The following SMARCA5 variants were observed in gnomAD, a reference collection of about 807,000 sequenced individuals.
SMARCA5 encodes SWI/SNF-related matrix-associated actin-dependent regulator of chromatin subfamily A member 5.
Under a neutral mutation model 140.4 loss-of-function variants are expected in SMARCA5, and 18 were observed. The ratio of observed to expected loss-of-function variants is 0.13; its 90% CI spans 0.09 to 0.19. SMARCA5 has a LOEUF of 0.19. SMARCA5 is among the 10% of genes least tolerant of loss of function. The pLI is 1.00. For missense variants in SMARCA5, 606 were observed against 1,276.8 expected, an observed-to-expected ratio of 0.47 and a Z score of 8.01; for synonymous variants, 449 against 419.6, an observed-to-expected ratio of 1.07 and a Z score of -0.86.
intron 5 of SMARCA5, among the ~76,000 whole-genome samples, chr4:143,525,957 T>TATTGCTATAATGCTATAATGCTAA (rs1251473666): frequency 6.6e-6 from 1 of 152,212 alleles, no homozygotes; most frequent in Non-Finnish European, 1.5e-5. Flanking sequence ...AAAGTTTCCT[T>TATTGCTATAATGCTATAATGCTAA]ATTGCTATAA....
At chr4:143,533,573 T>C (rs1578798136) in intron 9 of SMARCA5, among the ~76,000 whole-genome samples, 1 of 145,900 alleles carries the variant, frequency 6.9e-6, no homozygotes, top group South Asian at 2.2e-4. Context: ...AGTGGCGCCA[T>C]CTTGGCTCAC....
rs1298564685 is a variant in SMARCA5 at position 143,547,983 on chromosome 4, A to G, written c.2828A>G (p.Lys943Arg). The change falls in exon 22 of 24, where the codon AAA becomes AGA. Residue 943 changes from lysine to arginine, a missense_variant. By Grantham distance (26) the Lys-to-Arg change is conservative. Transcript: ENST00000283131. ...HQLRISYGTN[K>R]GKNYTEEEDR... ...CTGAGAATATCATATGGTACTAACA[A>G]AGGAAAAAACTATACTGAAGAAGAA... 1 of 1,612,176 alleles carries G rather than the reference A, an allele frequency of 6.2e-7. No individual in the cohort carries two copies. The highest frequency in any genetic ancestry group is 1.1e-5 in the South Asian group (1 of 90,988).
chr4:143,528,613 A>G lies in SMARCA5; in HGVS notation c.988A>G (p.Thr330Ala). ...AGAAATAGTGAGGGAATTCAAGACT[A>G]CAAATAGACTATTATTAACTGGAAC... ...LSEIVREFKTTNRLLLTGTPL... is the reference protein window; with the variant it reads ...LSEIVREFKTANRLLLTGTPL... Residue 330 changes from threonine to alanine, a missense_variant, in exon 8 of 24, where the codon ACA (threonine) becomes GCA (alanine). Physicochemically the swap from Thr to Ala is moderately conservative, Grantham distance 58. This residue lies in a region of SMARCA5 where 110 missense variants were observed against 287.7 expected (regional missense o/e 0.38). Coordinates refer to ENST00000283131, the MANE Select transcript of SMARCA5 (RefSeq NM_003601.4). 6.2e-7 allele frequency: 1 copy of G among 1,612,464 alleles called. No homozygotes were observed. Among genetic ancestry groups the G allele is most frequent in the Non-Finnish European group, 8.5e-7 (1 of 1,179,094 alleles).
At chr4:143,544,402 A>G (rs7691356) in intron 16 of SMARCA5, 101,533 of 187,750 alleles carry the variant, frequency 0.54, 27,889 homozygotes, top group Middle Eastern at 0.63. Flanking sequence ...TCTTGTTAAT[A>G]TTTAGGTCTA....
At chr4:143,545,688 T>C (rs570951364) in intron 18 of SMARCA5, 105 bp downstream of exon 18, 8 of 807,798 alleles carry the variant, frequency 9.9e-6, no homozygotes, top group African/African-American at 6.9e-5. Context: ...TGTGAAACAA[T>C]ACTGCTTTAG....
Position 143,549,020 on chromosome 4 carries a change from A to G in SMARCA5, c.2985+880A>G, listed in dbSNP as rs1482949480. 2.6e-5 allele frequency among the ~76,000 whole-genome samples: 4 copies of G among 152,220 alleles called. No individual in the cohort carries two copies. In the East Asian group the frequency reaches 7.7e-4, roughly 29 times the overall value. ...ACTTTGAAGATAAAACACTGTATAAATATATAATTAGAGAAAAGATCCAGT... is the reference window on the plus strand; with the variant it reads ...ACTTTGAAGATAAAACACTGTATAAGTATATAATTAGAGAAAAGATCCAGT... On this transcript the variant is annotated intron_variant, in intron 22 of 23. Transcript: ENST00000283131.
In SMARCA5 at chr4:143,550,023, A is replaced by G; in HGVS notation, c.3012A>G (p.Leu1004=). The G allele has an allele frequency of 4.4e-6, 7 of 1,598,050 alleles. No individual in the cohort carries two copies. The highest frequency in any genetic ancestry group is 6.0e-6 in the Non-Finnish European group (7 of 1,171,246). ...AGCTCCAGAGGAGATGTAATACCTT[A>G]ATTACTTTGATTGAAAGAGAAAACA... is the stretch of plus-strand genomic sequence containing the variant. ...AMELQRRCNT[L]ITLIERENME... is the part of the protein sequence containing the mutation. Residue 1004 remains leucine, a synonymous_variant, in exon 23 of 24, where the codon TTA becomes TTG. Transcript: ENST00000283131.
intron 17 of SMARCA5, among the ~76,000 whole-genome samples, chr4:143,545,127 G>T (rs1461149178): frequency 6.6e-6 from 1 of 151,964 alleles, no homozygotes; most frequent in African/African-American, 2.4e-5. Flanking sequence ...AATTTTAGTA[G>T]TGATGGGGTT....
Position 143,543,893 on chromosome 4 carries a change from G to T in SMARCA5, c.2093G>T (p.Ser698Ile), listed in dbSNP as rs1432048812. Residue 698 changes from serine to isoleucine, a missense_variant, in exon 16 of 24, where the codon AGT becomes ATT. Around this residue, in one of 10 missense-constraint regions of SMARCA5, gnomAD observed 62 missense variants for 256.6 expected, o/e 0.24. Coordinates refer to ENST00000283131, the MANE Select transcript of SMARCA5 (RefSeq NM_003601.4). ...GAAAAGCTCTCCAAGATGGGCGAAA[G>T]TTCACTTAGAAACTTTACAATGGAT... ...MNEKLSKMGESSLRNFTMDTE... is the reference protein window; with the variant it reads ...MNEKLSKMGEISLRNFTMDTE... 1 of 1,611,168 alleles carries T rather than the reference G, an allele frequency of 6.2e-7. No homozygotes were observed.
intron 8 of SMARCA5, among the ~76,000 whole-genome samples, chr4:143,530,207 C>T (rs1737157938): frequency 6.6e-6 from 1 of 152,164 alleles, no homozygotes; most frequent in Non-Finnish European, 1.5e-5. Flanking sequence ...AACTTGCTCT[C>T]CAACTTTTTA....
At chr4:143,524,558 A>G (rs935497289) in intron 4 of SMARCA5, 91 bp downstream of exon 4, 3 of 766,286 alleles carry the variant, frequency 3.9e-6, no homozygotes, top group Non-Finnish European at 6.5e-6. Context: ...ACTATTTGTG[A>G]AGCAAATTTT....
At chr4:143,519,901 C>T (rs1333935415) in intron 2 of SMARCA5, among the ~76,000 whole-genome samples, 3 of 152,118 alleles carry the variant, frequency 2.0e-5, no homozygotes, top group Non-Finnish European at 4.4e-5. Context: ...AATCTTCCTC[C>T]ACAAAGAATT....
chr4:143,532,959 A>T (rs1737225771), intron 9 of SMARCA5, among the ~76,000 whole-genome samples: 1 of 152,132 alleles, frequency 6.6e-6, no homozygotes, highest in Non-Finnish European at 1.5e-5. Context: ...CTACGTGGTG[A>T]TGTTAGAGAG....
intron 9 of SMARCA5, among the ~76,000 whole-genome samples, chr4:143,532,276 G>A (rs910208720): frequency 2.6e-5 from 4 of 152,182 alleles, no homozygotes; most frequent in African/African-American, 9.7e-5. Flanking sequence ...ACCAAGGATT[G>A]TGGAGTGTAT....
At chr4:143,553,028 G>T in intron 23 of SMARCA5, 91 bp from the exon 24 acceptor site, 2 of 938,980 alleles carry the variant, frequency 2.1e-6, no homozygotes, top group South Asian at 2.7e-5. Context: ...CTTTGTAGTA[G>T]TTGTTATTAC....
At chr4:143,545,860 T>C in intron 18 of SMARCA5, 65 bp from the exon 19 acceptor site, 1 of 1,379,520 alleles carries the variant, frequency 7.2e-7, no homozygotes, top group Non-Finnish European at 1.0e-6. Flanking sequence ...GAAATGTCAG[T>C]TAGTTGGTTC....
At chr4:143,549,866 TG>T (rs1560822777) in intron 22 of SMARCA5, 130 bp from the exon 23 acceptor site, 3 of 533,636 alleles carry the variant, frequency 5.6e-6, no homozygotes, top group Non-Finnish European at 1.0e-5. Context: ...GAAAATCAGT[TG>T]TTTTTTTTTT....
At chr4:143,537,130 T>A (rs1463952203) in intron 11 of SMARCA5, among the ~76,000 whole-genome samples, 1 of 152,200 alleles carries the variant, frequency 6.6e-6, no homozygotes, top group Non-Finnish European at 1.5e-5. Context: ...ACTTTTTTTA[T>A]GAAAATGGGT....
At chr4:143,545,772 T>C (rs538543443) in intron 18 of SMARCA5, among the ~76,000 whole-genome samples, 153 bp from the exon 19 acceptor site, 1 of 152,350 alleles carries the variant, frequency 6.6e-6, no homozygotes, top group African/African-American at 2.4e-5. Context: ...TAAGACTTCA[T>C]GACCAATCTG....
Sources: allele counts gnomAD v4.1 joint callset (sites outside exome capture counted in the v4.1 genomes callset), GRCh38; gene constraint gnomAD v4.1.1; regional missense constraint gnomAD v4.1.1; transcripts MANE v1.5; gene names NCBI Gene and HGNC (gene_info 2026-07-23, HGNC 2026-07-21).